Variants in CNTNAP5 observed in about 807,000 individuals in gnomAD.
CNTNAP5 encodes contactin-associated protein-like 5.
Under a neutral mutation model 150.2 loss-of-function variants are expected in CNTNAP5, and 72 were observed. That is an observed-to-expected ratio of 0.48 (90% CI 0.40 to 0.58). The LOEUF (loss-of-function observed/expected upper bound fraction) is 0.58, where lower values mean the gene tolerates loss of function less well. Ranked by LOEUF, CNTNAP5 falls within the 20% of genes least tolerant of loss-of-function variation. The pLI is 0.00. For synonymous variants in CNTNAP5, 672 were observed against 619.8 expected (o/e 1.08, Z -1.25); for missense variants, 1,636 against 1,626.2 (o/e 1.01, Z -0.10).
At chr2:124,773,603 G>T (rs753061045) in intron 17 of CNTNAP5, among the ~76,000 whole-genome samples, 3 of 152,156 alleles carry the variant, frequency 2.0e-5, no homozygotes, top group Non-Finnish European at 2.9e-5. Flanking sequence ...GCTGGTGGGG[G>T]CCTGGAAAGA....
chr2:124,168,952 C>T (rs1192895374), intron 1 of CNTNAP5, among the ~76,000 whole-genome samples: 1 of 152,162 alleles, frequency 6.6e-6, no homozygotes, highest in Non-Finnish European at 1.5e-5. Flanking sequence ...CATAGCACAC[C>T]TGACAGCCAT....
intron 7 of CNTNAP5, among the ~76,000 whole-genome samples, chr2:124,497,323 A>G (rs954088640): frequency 1.3e-5 from 2 of 152,172 alleles, no homozygotes; most frequent in South Asian, 4.1e-4. Flanking sequence ...ATGCCCACTA[A>G]TAGAAACACC....
At chr2:124,783,530 G>A (rs1681498748) in intron 17 of CNTNAP5, among the ~76,000 whole-genome samples, 2 of 152,022 alleles carry the variant, frequency 1.3e-5, no homozygotes, top group African/African-American at 4.8e-5. Flanking sequence ...ATGCTTTAAT[G>A]GCTCTTGATA....
chr2:124,778,197 T>C lies in CNTNAP5; in HGVS notation c.2752+5180T>C, dbSNP rs748592854. Reference sequence around the variant, plus strand: ...TGAGTAGCCACAAGGGAAGCCCCAGTTGGAAAAGAGCAAACCAGAGAGGTG... The same window carrying C: ...TGAGTAGCCACAAGGGAAGCCCCAGCTGGAAAAGAGCAAACCAGAGAGGTG... On this transcript the variant is annotated intron_variant, in intron 17 of 23. Coordinates refer to ENST00000682447, the MANE Select transcript of CNTNAP5 (RefSeq NM_001367498.1). Among the ~76,000 whole-genome samples, 92 of 152,060 alleles carry C rather than the reference T, an allele frequency of 6.1e-4. 2 individuals carry two copies. Among genetic ancestry groups the C allele is most frequent in the Non-Finnish European group, 4.1e-4 (28 of 68,002 alleles).
At chr2:124,631,279 C>T (rs1677854817) in intron 12 of CNTNAP5, among the ~76,000 whole-genome samples, 1 of 151,918 alleles carries the variant, frequency 6.6e-6, no homozygotes, top group Non-Finnish European at 1.5e-5. Context: ...CAATCCTAAG[C>T]AAAAAGAACA....
chr2:124,562,796 G>T (rs1225452878), intron 10 of CNTNAP5, among the ~76,000 whole-genome samples: 4 of 152,148 alleles, frequency 2.6e-5, no homozygotes, highest in Non-Finnish European at 5.9e-5. Context: ...CAAAAGAGAA[G>T]CATGAGGACA....
intron 1 of CNTNAP5, among the ~76,000 whole-genome samples, chr2:124,043,308 G>A (rs939120272): frequency 6.6e-6 from 1 of 152,130 alleles, no homozygotes; most frequent in Non-Finnish European, 1.5e-5. Context: ...TCACAAGACA[G>A]CTCAGTTCCT....
intron 1 of CNTNAP5, among the ~76,000 whole-genome samples, chr2:124,076,877 C>G (rs1026162814): frequency 1.3e-5 from 2 of 151,878 alleles, no homozygotes; most frequent in African/African-American, 4.8e-5. Context: ...AGCAATCAGC[C>G]CAAGTATAAG....
In CNTNAP5 at chr2:124,241,640, C is replaced by T. The variant is rs149552289; in HGVS notation, c.188-560C>T. On this transcript the variant is annotated intron_variant, in intron 2 of 23. Transcript: ENST00000682447. ...CTCCTGGTGCTCAACAAACATCTGC[C>T]GAATAAATGAATGATACTCTTCAAA... 3.0e-3 allele frequency among the ~76,000 whole-genome samples: 455 copies of T among 152,174 alleles called. 3 individuals carry two copies. Among genetic ancestry groups the T allele is most frequent in the Non-Finnish European group, 5.2e-3 (355 of 68,004 alleles).
chr2:124,613,056 A>T (rs1677419365), intron 12 of CNTNAP5, among the ~76,000 whole-genome samples: 1 of 152,194 alleles, frequency 6.6e-6, no homozygotes, highest in Admixed American at 6.5e-5. Context: ...TGTCTCAAAT[A>T]AATAAATAAA....
intron 3 of CNTNAP5, among the ~76,000 whole-genome samples, chr2:124,316,863 G>A (rs1267963491): frequency 6.6e-6 from 1 of 150,666 alleles, no homozygotes; most frequent in Non-Finnish European, 1.5e-5. Context: ...AGAAAGAATG[G>A]ATCTCATAGT....
At chr2:124,114,417 T>C (rs1224633240) in intron 1 of CNTNAP5, among the ~76,000 whole-genome samples, 2 of 152,054 alleles carry the variant, frequency 1.3e-5, no homozygotes, top group Non-Finnish European at 2.9e-5. Context: ...AAATAGGATC[T>C]TCTAATTGTT....
At chr2:124,620,739 ACACATG>A (rs1385525674) in intron 12 of CNTNAP5, among the ~76,000 whole-genome samples, 128 of 110,484 alleles carry the variant, frequency 1.2e-3, no homozygotes, top group South Asian at 7.1e-3. Context: ...ACACACACAC[ACACATG>A]CACACACACA....
At chr2:124,032,113 C>T (rs1195157229) in intron 1 of CNTNAP5, among the ~76,000 whole-genome samples, 2 of 152,166 alleles carry the variant, frequency 1.3e-5, no homozygotes, top group East Asian at 1.9e-4. Flanking sequence ...GAAAAATAAA[C>T]CTTTAGTCAT....
chr2:124,650,844 G>C (rs1678306252), intron 13 of CNTNAP5, among the ~76,000 whole-genome samples: 1 of 152,172 alleles, frequency 6.6e-6, no homozygotes, highest in South Asian at 2.1e-4. Context: ...TGGACCTGTA[G>C]ATTGTTTCCA....
intron 3 of CNTNAP5, among the ~76,000 whole-genome samples, chr2:124,272,922 T>A (rs1012141108): frequency 2.6e-5 from 4 of 152,356 alleles, no homozygotes; most frequent in African/African-American, 9.6e-5. Context: ...AACTATTGGA[T>A]GAACAAATGC....
At chr2:124,568,805 G>A (rs1349303169) in intron 11 of CNTNAP5, among the ~76,000 whole-genome samples, 1 of 152,148 alleles carries the variant, frequency 6.6e-6, no homozygotes, top group East Asian at 1.9e-4. Flanking sequence ...CAGCCCTTTG[G>A]GAGGCCGAGG....
chr2:124,359,090 A>T (rs189299040), intron 3 of CNTNAP5, among the ~76,000 whole-genome samples: 30 of 151,548 alleles, frequency 2.0e-4, no homozygotes, highest in African/African-American at 6.0e-4. Flanking sequence ...GTTTATTTGC[A>T]TAGAGGTGTT....
chr2:124,749,394 C>T (rs949845115), intron 14 of CNTNAP5, among the ~76,000 whole-genome samples: 1 of 146,876 alleles, frequency 6.8e-6, no homozygotes, highest in Admixed American at 6.8e-5. Context: ...TTCCTTCCTT[C>T]CTTCCTTCTT....
Sources: gnomAD v4.1 joint callset for allele counts (sites outside exome capture counted in the v4.1 genomes callset) on GRCh38, gnomAD v4.1.1 for gene constraint, MANE v1.5 for transcripts, NCBI Gene and HGNC (gene_info 2026-07-23, HGNC 2026-07-21) for gene names.